Variants in FMNL1 observed in about 807,000 individuals in gnomAD.
The protein encoded by FMNL1 is formin like 1.
FMNL1 carries 43 observed loss-of-function variants against 121.3 expected under a neutral mutation model. That is an observed-to-expected ratio of 0.35 (90% CI 0.28 to 0.46). The LOEUF is 0.46. FMNL1 is among the 20% of genes least tolerant of loss of function. FMNL1 has a pLI of 1.00. For synonymous variants in FMNL1, 613 were observed against 613.5 expected, an observed-to-expected ratio of 1.00 and a Z score of 0.01; for missense variants, 1,191 against 1,482.4, an observed-to-expected ratio of 0.80 and a Z score of 3.23.
chr17:45,234,076 G>T lies in FMNL1; in HGVS notation c.490G>T (p.Asp164Tyr). 6.2e-7 allele frequency: 1 copy of T among 1,614,072 alleles called. No individual in the cohort carries two copies. Among genetic ancestry groups the T allele is most frequent in the South Asian group, 1.1e-5 (1 of 91,072 alleles). Residue 164 changes from aspartate to tyrosine, a missense_variant, in exon 6 of 27, where the codon GAC (aspartate) becomes TAC (tyrosine). This residue lies in a region of FMNL1 where 253 missense variants were observed against 417.5 expected (regional missense o/e 0.61). Coordinates refer to ENST00000331495, the MANE Select transcript of FMNL1 (RefSeq NM_005892.4). ...CCCATTGCATCCTGTCCCCAGGTAT[G>T]ACATGGAGAGCACAGACAACGGGGC... is the stretch of plus-strand genomic sequence containing the variant. ...LAFAQCSVTY[D>Y]MESTDNGASN...
At chr17:45,234,452 G>A (rs964365655) in intron 6 of FMNL1, 205 of 496,518 alleles carry the variant, frequency 4.1e-4, no homozygotes, top group Admixed American at 3.9e-4. Flanking sequence ...ATCATTTGAG[G>A]ACATGAGTTT....
chr17:45,241,227 G>C lies in FMNL1; in HGVS notation c.1329G>C (p.Leu443=). ...AGGCGCGCAAGGAGTTGGAGACCCT[G>C]CGGGTGAGGCTGGGGCGGGTGGTAG... ...LSQARKELET[L]RERFSESTAM... is the part of the protein sequence containing the mutation. Residue 443 remains leucine, a synonymous_variant, in exon 13 of 27, where the codon CTG becomes CTC. Coordinates refer to ENST00000331495, the MANE Select transcript of FMNL1 (RefSeq NM_005892.4). This position sits in a 1 kb window ranked among gnomAD's most constrained non-coding sequence, Gnocchi z 7.0. The C allele has an allele frequency of 6.2e-7, 1 of 1,614,096 alleles. No individual in the cohort carries two copies. The highest frequency in any genetic ancestry group is 1.6e-4 in the Middle Eastern group (1 of 6,062).
chr17:45,245,967 A>C lies in FMNL1; in HGVS notation c.3084A>C (p.Ala1028=). The part of the protein sequence containing the change: ...ADTPGKGEPP[A]PKSPPKARRP... ...CCCCGGGCAAAGGGGAGCCCCCAGC[A>C]CCCAAGGTAGGCAACTGCTCCTGGG... The change falls in exon 24 of 27, where the codon GCA becomes GCC. Residue 1028 remains alanine (A), a synonymous_variant. Coordinates refer to ENST00000331495, the MANE Select transcript of FMNL1 (RefSeq NM_005892.4). 6.4e-7 allele frequency: 1 copy of C among 1,558,588 alleles called. No individual in the cohort carries two copies. The highest frequency in any genetic ancestry group is 8.6e-7 in the Non-Finnish European group (1 of 1,158,768).
chr17:45,232,797 G>T, intron 3 of FMNL1: 1 of 578,558 alleles, frequency 1.7e-6, no homozygotes, highest in Non-Finnish European at 3.3e-6. Context: ...GTCCACTTAT[G>T]GATGTGTGTG....
At position 45,237,994 on chromosome 17, in the gene FMNL1, A is replaced by G. The variant is rs915245568; in HGVS notation, c.894+355A>G. On this transcript the variant is annotated intron_variant, in intron 9 of 26. Coordinates refer to ENST00000331495, the MANE Select transcript of FMNL1 (RefSeq NM_005892.4). The surrounding 1 kb of genome is among the most constrained non-coding windows in gnomAD (Gnocchi z 4.4). ...GCAAGAAGTAGATGTGTGGGGCTGC[A>G]TAAGATGCATAAGACAAGATATCTT... is the stretch of plus-strand genomic sequence containing the variant. 5 of 249,468 alleles carry G rather than the reference A, an allele frequency of 2.0e-5. No individual in the cohort carries two copies. Among genetic ancestry groups the G allele is most frequent in the African/African-American group, 1.1e-4 (5 of 45,042 alleles). 15.5% of individuals were successfully genotyped at this position (249,468 alleles called of 1,614,324 possible).
chr17:45,224,651 C>CAG (rs2043297056), intron 1 of FMNL1, among the ~76,000 whole-genome samples: 1 of 152,198 alleles, frequency 6.6e-6, no homozygotes. Flanking sequence ...GAGGGGTGTC[C>CAG]CCACTTACAG....
rs1348513765 is a variant in FMNL1 at position 45,233,379 on chromosome 17, C to A, written c.401+82C>A. 5 of 1,373,704 alleles carry A rather than the reference C, an allele frequency of 3.6e-6. No individual in the cohort carries two copies. In the Admixed American group the frequency reaches 8.5e-5, roughly 23 times the overall value. 85.1% of individuals were successfully genotyped at this position (1,373,704 alleles called of 1,614,324 possible). The stretch of plus-strand genomic sequence containing the variant: ...GCTCCTGGAGCTTCCCCTTCCTACT[C>A]CCCCTGCCCCCTGCACAAGGCTGTG... On this transcript the variant is annotated intron_variant, in intron 4 of 26. Transcript: ENST00000331495. This position sits in a 1 kb window ranked among gnomAD's most constrained non-coding sequence, Gnocchi z 4.1.
chr17:45,245,590 GTGAGAGGT>G (rs765208764), intron 22 of FMNL1, 34 bp from the exon 23 acceptor site: 16 of 1,610,400 alleles, frequency 9.9e-6, no homozygotes, highest in Admixed American at 1.7e-5. Context: ...GGTACAGGCT[GTGAGAGGT>G]CTAAGCTGGG....
chr17:45,234,165 C>G lies in FMNL1; in HGVS notation c.579C>G (p.Pro193=). ...QSVEDLSKGP[P]SSVPKSRHLT... ...TGGAAGACCTCAGCAAGGGTCCACC[C>G]TCCTCCGTGCCCAAAAGCCGCCACC... Residue 193 remains proline, a synonymous_variant, in exon 6 of 27, where the codon CCC becomes CCG. Transcript: ENST00000331495. The G allele has an allele frequency of 6.2e-7, 1 of 1,614,138 alleles. No individual in the cohort carries two copies. Among genetic ancestry groups the G allele is most frequent in the Non-Finnish European group, 8.5e-7 (1 of 1,180,012 alleles).
chr17:45,245,162 T>C (rs1598213224), intron 21 of FMNL1, 54 bp downstream of exon 21: 2 of 1,609,648 alleles, frequency 1.2e-6, no homozygotes, highest in Non-Finnish European at 8.5e-7. Flanking sequence ...CTGGGGTAGG[T>C]TGGGAGAAAG....
At position 45,243,917 on chromosome 17, in the gene FMNL1, G is replaced by A. The variant is rs1376194699; in HGVS notation, c.2340G>A (p.Glu780=). Residue 780 remains glutamate, a synonymous_variant, in exon 18 of 27, where the codon GAG becomes GAA. Transcript: ENST00000331495. ...REQRPMEELS[E]EDRFMLCFSR... is the part of the protein sequence containing the mutation. ...AGCGGCCAATGGAGGAGCTGTCAGA[G>A]GAGGACCGCTTCATGCTATGCTTCA... The A allele has an allele frequency of 6.2e-7, 1 of 1,613,940 alleles. No individual in the cohort carries two copies. Among genetic ancestry groups the A allele is most frequent in the Non-Finnish European group, 8.5e-7 (1 of 1,180,052 alleles).
chr17:45,246,601 T>C lies in FMNL1; in HGVS notation c.*5T>C, dbSNP rs2043843447. On this transcript the variant is annotated 3_prime_UTR_variant, in exon 26 of 27. Transcript: ENST00000331495. ...GGAGAAGAGATGCCCCTCTAGCCCCTCAGGTACCCAGATGACCTGGCCTCT... is the reference window on the plus strand; with the variant it reads ...GGAGAAGAGATGCCCCTCTAGCCCCCCAGGTACCCAGATGACCTGGCCTCT... 2 of 1,590,838 alleles carry C rather than the reference T, an allele frequency of 1.3e-6. No individual in the cohort carries two copies. Among genetic ancestry groups the C allele is most frequent in the South Asian group, 2.3e-5 (2 of 88,396 alleles).
chr17:45,236,313 G>A (rs1397426024), intron 7 of FMNL1, 69 bp downstream of exon 7: 2 of 1,343,332 alleles, frequency 1.5e-6, no homozygotes, highest in Non-Finnish European at 2.1e-6. Context: ...TACACAAGCT[G>A]CCGAGGCTCT....
chr17:45,241,657 C>G lies in FMNL1; in HGVS notation c.1585+23C>G, dbSNP rs907851800. ...CAGGTGCGCAGGAGCTTCAGGCTGG[C>G]GGGGATGCGGGGCAGGGTCTGGAGG... is the stretch of plus-strand genomic sequence containing the variant. On this transcript the variant is annotated intron_variant, in intron 14 of 26. Coordinates refer to ENST00000331495, the MANE Select transcript of FMNL1 (RefSeq NM_005892.4). This position sits in a 1 kb window ranked among gnomAD's most constrained non-coding sequence, Gnocchi z 7.0. The G allele has an allele frequency of 1.4e-6, 2 of 1,474,002 alleles. No homozygotes were observed. The highest frequency in any genetic ancestry group is 4.8e-5 in the East Asian group (2 of 41,606). 91.3% of individuals were successfully genotyped at this position (1,474,002 alleles called of 1,614,324 possible).
chr17:45,234,710 C>T (rs1298301590), intron 6 of FMNL1: 1 of 153,038 alleles, frequency 6.5e-6, no homozygotes, highest in Non-Finnish European at 1.3e-5. Context: ...AAAAAGAAGC[C>T]ATCGGGGTGG....
Position 45,241,864 on chromosome 17 carries a change from G to A in FMNL1, c.1603G>A (p.Glu535Lys). The change falls in exon 15 of 27, where the codon GAG becomes AAG. Residue 535 changes from glutamate to lysine, a missense_variant. By Grantham distance (56) the Glu-to-Lys change is moderately conservative (BLOSUM62 1). Around this residue, in one of 4 missense-constraint regions of FMNL1, gnomAD observed 519 missense variants for 492.8 expected, o/e 1.05. Coordinates refer to ENST00000331495, the MANE Select transcript of FMNL1 (RefSeq NM_005892.4). The surrounding 1 kb of genome is among the most constrained non-coding windows in gnomAD (Gnocchi z 7.0). ...TGGCTCAGATCTCGCACCTGCAGCA[G>A]AGCCGGCTCCCGGAGCAGCGCCACC... ...SPSPDLAPAA[E>K]PAPGAAPPPP... 4.9e-6 allele frequency: 7 copies of A among 1,434,292 alleles called. No homozygotes were observed. The highest frequency in any genetic ancestry group is 5.4e-6 in the Non-Finnish European group (6 of 1,102,566). The allele number at this position is 1,434,292 out of a possible 1,614,324, so 88.8% of individuals were successfully genotyped here. A position where few individuals can be genotyped will look rare whatever the true frequency, so the allele number is the denominator to read the frequency against.
chr17:45,233,198 C>A lies in FMNL1; in HGVS notation c.328-26C>A. 6.4e-7 allele frequency: 1 copy of A among 1,551,924 alleles called. No homozygotes were observed. The highest frequency in any genetic ancestry group is 8.7e-7 in the Non-Finnish European group (1 of 1,147,228). ...CTGTGGGAGGCCGGGCTCCACCCAC[C>A]AGCCTTCCCTGTTCTCGGTCCCCAG... On this transcript the variant is annotated intron_variant, in intron 3 of 26. Transcript: ENST00000331495. The surrounding 1 kb of genome is among the most constrained non-coding windows in gnomAD (Gnocchi z 4.1).
rs1165892421 is a variant in FMNL1 at position 45,241,017 on chromosome 17, G to A, written c.1231-112G>A. ...CCCACCCTTGGCACCTGGGCTGAGC[G>A]GATCTGGGAGCCTCCCCCAGTCTTC... is the stretch of plus-strand genomic sequence containing the variant. On this transcript the variant is annotated intron_variant, in intron 12 of 26. Transcript: ENST00000331495. The surrounding 1 kb of genome is among the most constrained non-coding windows in gnomAD (Gnocchi z 7.0). The A allele has an allele frequency of 1.9e-5, 26 of 1,354,294 alleles. No individual in the cohort carries two copies. Among genetic ancestry groups the A allele is most frequent in the South Asian group, 2.5e-5 (2 of 81,514 alleles). 83.9% of individuals were successfully genotyped at this position (1,354,294 alleles called of 1,614,324 possible).
In FMNL1 at chr17:45,237,524, A is replaced by C. The variant is rs2043577960; in HGVS notation, c.801-22A>C. On this transcript the variant is annotated intron_variant, in intron 8 of 26. Transcript: ENST00000331495. The surrounding 1 kb of genome is among the most constrained non-coding windows in gnomAD (Gnocchi z 4.4). ...CGGGTCCTGCCTGTTCTCAAGGGACAACCTGCCCCTTCTCTCTCCAGAACC... is the reference window on the plus strand; with the variant it reads ...CGGGTCCTGCCTGTTCTCAAGGGACCACCTGCCCCTTCTCTCTCCAGAACC... The C allele has an allele frequency of 2.5e-6, 4 of 1,614,064 alleles. No homozygotes were observed. The highest frequency in any genetic ancestry group is 3.4e-6 in the Non-Finnish European group (4 of 1,179,950).
Sources: allele counts gnomAD v4.1 joint callset (sites outside exome capture counted in the v4.1 genomes callset), GRCh38; gene constraint gnomAD v4.1.1; regional missense constraint gnomAD v4.1.1; non-coding constraint Gnocchi (gnomAD v3.1); transcripts MANE v1.5; gene names NCBI Gene and HGNC (gene_info 2026-07-23, HGNC 2026-07-21).